Variants in STK31 observed in about 807,000 individuals in gnomAD.
STK31 encodes the protein serine/threonine-protein kinase 31.
Under a neutral mutation model 129.7 loss-of-function variants are expected in STK31, and 89 were observed. That is an observed-to-expected ratio of 0.69 (90% CI 0.58 to 0.82). The LOEUF (loss-of-function observed/expected upper bound fraction) is 0.82, where lower values mean the gene tolerates loss of function less well. Ranked by LOEUF, STK31 falls within the 40% of genes least tolerant of loss-of-function variation. The pLI, the probability that STK31 is intolerant of heterozygous loss-of-function variation, is 0.00. For missense variants in STK31, 1,187 were observed against 1,176.4 expected (o/e 1.01, Z -0.13); for synonymous variants, 448 against 395.3 (o/e 1.13, Z -1.58).
At chr7:23,817,923 T>C (rs1239124438) in intron 23 of STK31, among the ~76,000 whole-genome samples, 1 of 152,044 alleles carries the variant, frequency 6.6e-6, no homozygotes, top group Non-Finnish European at 1.5e-5. Flanking sequence ...ACCTAGCTTT[T>C]GGTTTTATTA....
rs570895411 is a variant in STK31 at position 23,728,274 on chromosome 7, C to G, written c.325-817C>G. The stretch of plus-strand genomic sequence containing the variant: ...TTAAATTATAATATGTATGTTTTTA[C>G]TGAACCAGGGAAAGTGGTTCAGGAT... On this transcript the variant is annotated intron_variant, in intron 5 of 23. Coordinates refer to ENST00000355870, the MANE Select transcript of STK31 (RefSeq NM_031414.5). 3.7e-4 allele frequency among the ~76,000 whole-genome samples: 56 copies of G among 151,824 alleles called. 1 individual carries two copies. In the South Asian group the frequency reaches 0.011, roughly 30 times the overall value.
In STK31 at chr7:23,832,467, T is replaced by C. The variant is rs1794621316; in HGVS notation, c.*101T>C. Reference sequence around the variant, plus strand: ...TTCTGGGACTAGTTGAGTTGTATCTTTAGTATTCAGGTTGTGAAAAATAAA... The same window carrying C: ...TTCTGGGACTAGTTGAGTTGTATCTCTAGTATTCAGGTTGTGAAAAATAAA... On this transcript the variant is annotated 3_prime_UTR_variant, in exon 24 of 24. Coordinates refer to ENST00000355870, the MANE Select transcript of STK31 (RefSeq NM_031414.5). 1 of 830,482 alleles carries C rather than the reference T, an allele frequency of 1.2e-6. No individual in the cohort carries two copies. Among genetic ancestry groups the C allele is most frequent in the Non-Finnish European group, 1.9e-6 (1 of 522,036 alleles). 51.4% of individuals were successfully genotyped at this position (830,482 alleles called of 1,614,324 possible).
chr7:23,796,629 A>G (rs543046180), intron 22 of STK31, among the ~76,000 whole-genome samples: 1 of 152,324 alleles, frequency 6.6e-6, no homozygotes, highest in Admixed American at 6.5e-5. Flanking sequence ...GATGCAGAAC[A>G]GTTCCATAAC....
At chr7:23,808,712 C>T (rs1193240861) in intron 22 of STK31, among the ~76,000 whole-genome samples, 1 of 152,072 alleles carries the variant, frequency 6.6e-6, no homozygotes, top group Admixed American at 6.6e-5. Flanking sequence ...TCATGGATAC[C>T]ATGCTAGTGG....
chr7:23,799,297 G>C, intron 22 of STK31, among the ~76,000 whole-genome samples: 1 of 152,156 alleles, frequency 6.6e-6, no homozygotes, highest in South Asian at 2.1e-4. Flanking sequence ...ATCCTAAGCA[G>C]AAAGAACAAA....
chr7:23,765,855 A>G (rs1269752995), intron 11 of STK31, among the ~76,000 whole-genome samples: 1 of 151,968 alleles, frequency 6.6e-6, no homozygotes. Flanking sequence ...CCACTCTTCT[A>G]ATACTTTAGA....
chr7:23,738,895 G>T (rs550191172), intron 8 of STK31, among the ~76,000 whole-genome samples: 1 of 152,196 alleles, frequency 6.6e-6, no homozygotes, highest in African/African-American at 2.4e-5. Context: ...ATTTGGGTTG[G>T]TTCCAAGTCT....
chr7:23,798,696 G>A (rs578181512), intron 22 of STK31, among the ~76,000 whole-genome samples: 49 of 152,254 alleles, frequency 3.2e-4, no homozygotes, highest in African/African-American at 8.4e-4. Context: ...GCACAAGACA[G>A]GGATGCCCTC....
intron 22 of STK31, among the ~76,000 whole-genome samples, chr7:23,798,092 A>T (rs972089141): frequency 6.6e-6 from 1 of 152,234 alleles, no homozygotes; most frequent in African/African-American, 2.4e-5. Context: ...AAGTTCTGAA[A>T]TTGAGGCAGT....
intron 23 of STK31, among the ~76,000 whole-genome samples, chr7:23,822,771 G>C (rs190506169): frequency 6.6e-5 from 10 of 152,048 alleles, no homozygotes; most frequent in Admixed American, 6.6e-4. Flanking sequence ...AACAGTCCCC[G>C]GTATGTGATG....
intron 22 of STK31, among the ~76,000 whole-genome samples, chr7:23,798,594 T>C (rs936476643): frequency 5.9e-5 from 9 of 152,170 alleles, no homozygotes; most frequent in Non-Finnish European, 1.3e-4. Context: ...ATTGATGGAA[T>C]GTATTTCAAA....
At chr7:23,810,666 A>G (rs1255986224) in intron 22 of STK31, among the ~76,000 whole-genome samples, 1 of 133,244 alleles carries the variant, frequency 7.5e-6, no homozygotes. Flanking sequence ...ATAAAAATAT[A>G]TAATATATAT....
chr7:23,793,002 A>G (rs1054323216), intron 22 of STK31, among the ~76,000 whole-genome samples: 2 of 152,242 alleles, frequency 1.3e-5, no homozygotes, highest in African/African-American at 4.8e-5. Context: ...AGCCTAGGCT[A>G]CAGAGCAGGA....
At chr7:23,737,137 C>G in intron 8 of STK31, 59 bp downstream of exon 8, 1 of 1,367,210 alleles carries the variant, frequency 7.3e-7, no homozygotes, top group South Asian at 1.9e-5. Flanking sequence ...TACTCATCTG[C>G]TGCTATTTAT....
chr7:23,747,792 T>C lies in STK31; in HGVS notation c.1018-4925T>C, dbSNP rs181264084. Among the ~76,000 whole-genome samples the C allele has an allele frequency of 1.4e-3, 219 of 152,330 alleles. 4 individuals are homozygous for C. Among genetic ancestry groups the C allele is most frequent in the Non-Finnish European group, 2.8e-4 (19 of 68,032 alleles). ...TAATATTTTTAAGTTTTAATTTCCA[T>C]TGGATCTGTACTGATGCCCTCTCTT... On this transcript the variant is annotated intron_variant, in intron 8 of 23. Transcript: ENST00000355870.
chr7:23,729,348 T>A (rs1343374007), intron 6 of STK31, 99 bp downstream of exon 6: 1 of 1,114,342 alleles, frequency 9.0e-7, no homozygotes, highest in East Asian at 2.8e-5. Context: ...TATAAAAGTC[T>A]GTATAAATTA....
At chr7:23,727,667 A>G (rs1206432294) in intron 5 of STK31, 2 of 184,080 alleles carry the variant, frequency 1.1e-5, no homozygotes, top group East Asian at 1.7e-4. Flanking sequence ...GGTTCAAGCT[A>G]TTCTCCTGCC....
At chr7:23,787,774 ACACACAC>A (rs1326707321) in intron 20 of STK31, among the ~76,000 whole-genome samples, 199 bp from the exon 21 acceptor site, 2 of 150,272 alleles carry the variant, frequency 1.3e-5, no homozygotes, top group African/African-American at 2.5e-5. Context: ...ACACACACAC[ACACACAC>A]AAACACACAC....
intron 4 of STK31, among the ~76,000 whole-genome samples, chr7:23,720,794 G>A (rs1786646295): frequency 6.6e-6 from 1 of 151,998 alleles, no homozygotes; most frequent in Non-Finnish European, 1.5e-5. Flanking sequence ...TCAATATCTT[G>A]TACAGTTTTG....
Sources: gnomAD v4.1 joint callset for allele counts (sites outside exome capture counted in the v4.1 genomes callset) on GRCh38, gnomAD v4.1.1 for gene constraint, MANE v1.5 for transcripts, NCBI Gene and HGNC (gene_info 2026-07-23, HGNC 2026-07-21) for gene names.